The following PRKG1 variants were observed in gnomAD, a reference collection of about 807,000 sequenced individuals.
PRKG1 encodes the protein cGMP-dependent protein kinase 1.
Under a neutral mutation model 88.1 loss-of-function variants are expected in PRKG1, and 35 were observed. That is an observed-to-expected ratio of 0.40 (90% CI 0.30 to 0.53). The LOEUF is 0.53. Among genes scored for constraint, PRKG1 ranks in the 20% least tolerant of loss-of-function variants. The probability of loss-of-function intolerance (pLI) is 0.59; values close to 1 mark genes in which losing one functional copy is unlikely to be tolerated. For synonymous variants in PRKG1, 303 were observed against 292.5 expected, an observed-to-expected ratio of 1.04 and a Z score of -0.37; for missense variants, 540 against 839.8, an observed-to-expected ratio of 0.64 and a Z score of 4.41.
intron 5 of PRKG1, among the ~76,000 whole-genome samples, chr10:51,989,679 G>A (rs1431092531): frequency 1.3e-5 from 2 of 152,044 alleles, no homozygotes; most frequent in Non-Finnish European, 2.9e-5. Context: ...AGTTCATTGA[G>A]CAGCATAGAT....
At chr10:51,293,781 G>A (rs1049098309) in intron 2 of PRKG1, among the ~76,000 whole-genome samples, 1 of 152,054 alleles carries the variant, frequency 6.6e-6, no homozygotes, top group Non-Finnish European at 1.5e-5. Flanking sequence ...TTACCTTTCT[G>A]AGGAACTTCC....
At chr10:51,723,996 C>T (rs1842073337) in intron 3 of PRKG1, among the ~76,000 whole-genome samples, 1 of 152,100 alleles carries the variant, frequency 6.6e-6, no homozygotes, top group Non-Finnish European at 1.5e-5. Context: ...AAAAGAATAC[C>T]TGTAAACCCA....
At chr10:51,697,761 CA>C (rs1841337335) in intron 3 of PRKG1, 1 of 1,614,014 alleles carries the variant, frequency 6.2e-7, no homozygotes, top group Non-Finnish European at 8.5e-7. Context: ...TGCCTTTGCT[CA>C]GGGGGCAGCA....
intron 9 of PRKG1, among the ~76,000 whole-genome samples, chr10:52,168,644 A>C (rs934501472): frequency 6.6e-6 from 1 of 152,084 alleles, no homozygotes; most frequent in Non-Finnish European, 1.5e-5. Context: ...AGGGAGAATA[A>C]TCAAAATATT....
intron 2 of PRKG1, among the ~76,000 whole-genome samples, chr10:51,221,198 A>G (rs1354622661): frequency 6.6e-6 from 1 of 152,076 alleles, no homozygotes; most frequent in Non-Finnish European, 1.5e-5. Flanking sequence ...TATTTAGAGT[A>G]ACTCCCTAGT....
chr10:52,277,878 C>T (rs1366293615), intron 12 of PRKG1, among the ~76,000 whole-genome samples: 2 of 152,094 alleles, frequency 1.3e-5, no homozygotes, highest in Non-Finnish European at 2.9e-5. Context: ...TACCAATTGA[C>T]TATTAAGGAA....
intron 4 of PRKG1, among the ~76,000 whole-genome samples, chr10:51,805,885 G>T (rs1247490957): frequency 1.3e-5 from 2 of 152,064 alleles, no homozygotes; most frequent in Admixed American, 1.3e-4. Context: ...GCAGGGTGTT[G>T]ATTTTTTTCC....
At chr10:52,072,890 A>C (rs1247182959) in intron 7 of PRKG1, among the ~76,000 whole-genome samples, 1 of 152,204 alleles carries the variant, frequency 6.6e-6, no homozygotes, top group Admixed American at 6.5e-5. Flanking sequence ...TGATGATGAC[A>C]AAGTATTTGT....
intron 3 of PRKG1, chr10:51,568,615 A>AT (rs1837667960): frequency 6.6e-6 from 1 of 152,050 alleles, no homozygotes; most frequent in Non-Finnish European, 1.5e-5. Flanking sequence ...TCGTATTTAA[A>AT]TAACTTTATA....
At chr10:52,070,045 A>C (rs1045305397) in intron 7 of PRKG1, among the ~76,000 whole-genome samples, 3 of 151,850 alleles carry the variant, frequency 2.0e-5, no homozygotes, top group African/African-American at 7.3e-5. Context: ...AGTGTGTTAA[A>C]CTCCAAATTA....
chr10:52,094,385 C>G (rs573959697), intron 7 of PRKG1, among the ~76,000 whole-genome samples: 1 of 152,198 alleles, frequency 6.6e-6, no homozygotes, highest in African/African-American at 2.4e-5. Flanking sequence ...TATTTAATCA[C>G]TATACATTAA....
At chr10:51,199,055 G>A (rs1206800781) in intron 2 of PRKG1, among the ~76,000 whole-genome samples, 1 of 152,270 alleles carries the variant, frequency 6.6e-6, no homozygotes, top group Non-Finnish European at 1.5e-5. Flanking sequence ...ACATCTGATT[G>A]TTAAAGCATT....
chr10:51,153,291 AAAG>A lies in PRKG1; in HGVS notation c.443_445del (p.Glu148del). On this transcript the variant is annotated inframe_deletion, in exon 2 of 18. Coordinates refer to ENST00000373980, the MANE Select transcript of PRKG1 (RefSeq NM_006258.4). ...GTATGGCAAGGACAGTTGCATCATCAAAGAAGGAGACGTGGGGTCACTGGTGTA... is the reference window on the plus strand; with the variant it reads ...GTATGGCAAGGACAGTTGCATCATCAAAGGAGACGTGGGGTCACTGGTGTA... 6.2e-7 allele frequency: 1 copy of A among 1,612,120 alleles called. No individual in the cohort carries two copies. The highest frequency in any genetic ancestry group is 8.5e-7 in the Non-Finnish European group (1 of 1,178,744).
chr10:51,239,116 G>T (rs1839082523), intron 2 of PRKG1, among the ~76,000 whole-genome samples: 1 of 152,136 alleles, frequency 6.6e-6, no homozygotes, highest in Non-Finnish European at 1.5e-5. Flanking sequence ...AGTTCGGACA[G>T]CTGCTCTGTA....
chr10:51,520,130 A>G (rs1841698557), intron 3 of PRKG1, among the ~76,000 whole-genome samples: 1 of 151,970 alleles, frequency 6.6e-6, no homozygotes, highest in Admixed American at 6.6e-5. Flanking sequence ...AAAGAACTCC[A>G]ATATCTTGGT....
At chr10:51,232,271 T>G (rs964503934) in intron 2 of PRKG1, among the ~76,000 whole-genome samples, 1 of 152,192 alleles carries the variant, frequency 6.6e-6, no homozygotes, top group Non-Finnish European at 1.5e-5. Flanking sequence ...TGGCAAAACC[T>G]AACATATGGC....
At chr10:51,661,202 G>A (rs548105750) in intron 3 of PRKG1, among the ~76,000 whole-genome samples, 1 of 152,036 alleles carries the variant, frequency 6.6e-6, no homozygotes, top group African/African-American at 2.4e-5. Flanking sequence ...ATACCACAAG[G>A]ATGGATAGCA....
chr10:51,072,825 C>T (rs1204595459), upstream of PRKG1, among the ~76,000 whole-genome samples: 1 of 152,108 alleles, frequency 6.6e-6, no homozygotes, highest in Admixed American at 6.5e-5. Flanking sequence ...CCTTGACCTC[C>T]CTCCCTCCTT....
intron 3 of PRKG1, among the ~76,000 whole-genome samples, chr10:51,788,534 A>G (rs1838787339): frequency 6.6e-6 from 1 of 152,160 alleles, no homozygotes; most frequent in South Asian, 2.1e-4. Context: ...CATATAATTT[A>G]CTAAAGAGAA....
Sources: gnomAD v4.1 joint callset for allele counts (sites outside exome capture counted in the v4.1 genomes callset) on GRCh38, gnomAD v4.1.1 for gene constraint, MANE v1.5 for transcripts, NCBI Gene and HGNC (gene_info 2026-07-23, HGNC 2026-07-21) for gene names.